The following RWDD2B variants were observed in gnomAD, a reference collection of about 807,000 sequenced individuals.
RWDD2B encodes the protein RWD domain containing 2B.
Under a neutral mutation model 33.6 loss-of-function variants are expected in RWDD2B, and 36 were observed. The ratio of observed to expected loss-of-function variants is 1.07; its 90% CI spans 0.82 to 1.42. RWDD2B has a LOEUF of 1.42. Ranked by LOEUF, RWDD2B falls within the 40% of genes most tolerant of loss-of-function variation. The pLI, the probability that RWDD2B is intolerant of heterozygous loss-of-function variation, is 0.00. For missense variants in RWDD2B, 364 were observed against 377.5 expected, an observed-to-expected ratio of 0.96 and a Z score of 0.30; for synonymous variants, 126 against 133.1, an observed-to-expected ratio of 0.95 and a Z score of 0.37.
At chr21:29,007,321 G>T (rs1036942656) in intron 4 of RWDD2B, among the ~76,000 whole-genome samples, 5 of 152,222 alleles carry the variant, frequency 3.3e-5, no homozygotes, top group African/African-American at 1.2e-4. Flanking sequence ...TGTGATTTCT[G>T]CCATATCCAT....
intron 1 of RWDD2B, among the ~76,000 whole-genome samples, chr21:29,013,455 A>G (rs535738476): frequency 1.3e-5 from 2 of 152,000 alleles, no homozygotes; most frequent in African/African-American, 4.8e-5. Flanking sequence ...TTTGGGAGGC[A>G]GAGGCGGGCG....
At chr21:29,016,142 ATATT>A (rs2084889125) in intron 1 of RWDD2B, among the ~76,000 whole-genome samples, 1 of 152,196 alleles carries the variant, frequency 6.6e-6, no homozygotes, top group African/African-American at 2.4e-5. Context: ...ATATTAACAT[ATATT>A]TATTAATATG....
intron 4 of RWDD2B, among the ~76,000 whole-genome samples, chr21:29,006,933 C>A (rs572393501): frequency 6.6e-6 from 1 of 152,160 alleles, no homozygotes; most frequent in Admixed American, 6.5e-5. Context: ...CTACTTTTAT[C>A]TCACAGGGAT....
intron 1 of RWDD2B, among the ~76,000 whole-genome samples, chr21:29,017,160 C>T (rs1315149785): frequency 6.6e-6 from 1 of 151,836 alleles, no homozygotes; most frequent in Non-Finnish European, 1.5e-5. Flanking sequence ...CATGAGCCAC[C>T]GTGTCCGGCT....
At chr21:29,008,812 A>C (rs993834122) in intron 1 of RWDD2B, among the ~76,000 whole-genome samples, 191 bp from the exon 2 acceptor site, 1 of 152,208 alleles carries the variant, frequency 6.6e-6, no homozygotes, top group African/African-American at 2.4e-5. Flanking sequence ...CCTGAGCAAC[A>C]TACTGAGACC....
At position 29,006,611 on chromosome 21, in the gene RWDD2B, G is replaced by A; in HGVS notation, c.766C>T (p.Arg256Ter). 4.4e-6 allele frequency: 7 copies of A among 1,607,724 alleles called. No homozygotes were observed. Among genetic ancestry groups the A allele is most frequent in the East Asian group, 2.2e-5 (1 of 44,844 alleles). ...GTACCATCAAAAGGAATGTCTTCTC[G>A]ATGGCGAATTAAAATTCTCTTCCAG... ...LNWKRILIRH[R>*]EDIPFDGTND... Residue 256 changes from arginine to a stop codon, truncating the protein, a stop_gained, in exon 5 of 5, where the codon CGA (arginine) becomes TGA (stop). Coordinates refer to ENST00000493196, the MANE Select transcript of RWDD2B (RefSeq NM_016940.3). LOFTEE classifies it high-confidence loss of function.
At chr21:29,012,536 G>A (rs1381296114) in intron 1 of RWDD2B, among the ~76,000 whole-genome samples, 5 of 151,770 alleles carry the variant, frequency 3.3e-5, no homozygotes, top group African/African-American at 1.2e-4. Flanking sequence ...ATTAAGGGCG[G>A]TGCAAGATGT....
intron 1 of RWDD2B, among the ~76,000 whole-genome samples, chr21:29,017,974 A>T: frequency 6.6e-6 from 1 of 152,206 alleles, no homozygotes; most frequent in Admixed American, 6.5e-5. Flanking sequence ...CATGGCCAGA[A>T]TTTTGAATTT....
Position 29,007,921 on chromosome 21 carries a change from T to A in RWDD2B, c.565A>T (p.Arg189Ter). ...ATATGATGGCTGTAGATCCAGAGTC[T>A]CGTGAAGATGAGGTCAACTGACTGG... The part of the protein sequence containing the change: ...TVQSVDLIFT[R>*]LWIYSHHIYN... Residue 189 changes from arginine (R) to a stop codon, truncating the protein, a stop_gained, in exon 4 of 5, where the codon AGA becomes TGA. Transcript: ENST00000493196. LOFTEE classifies it high-confidence loss of function. The A allele has an allele frequency of 6.2e-7, 1 of 1,614,244 alleles. No individual in the cohort carries two copies. The highest frequency in any genetic ancestry group is 8.5e-7 in the Non-Finnish European group (1 of 1,180,050).
chr21:29,011,576 C>A (rs1048780702), intron 1 of RWDD2B, among the ~76,000 whole-genome samples: 1 of 145,328 alleles, frequency 6.9e-6, no homozygotes, highest in Non-Finnish European at 1.5e-5. Context: ...CCGCCCCTTC[C>A]GGGAGGGAGG....
chr21:29,010,595 G>A (rs370814564), intron 1 of RWDD2B, among the ~76,000 whole-genome samples: 1 of 123,912 alleles, frequency 8.1e-6, no homozygotes, highest in African/African-American at 3.4e-5. Flanking sequence ...CAAAAAGAGT[G>A]AAACTCCGTC....
intron 1 of RWDD2B, chr21:29,009,680 C>T (rs965948022): frequency 6.6e-6 from 1 of 152,206 alleles, no homozygotes; most frequent in African/African-American, 2.4e-5. Context: ...AGGTGTGAGC[C>T]ACTGCGCCCG....
intron 4 of RWDD2B, among the ~76,000 whole-genome samples, chr21:29,007,505 T>C (rs2084834159): frequency 6.6e-6 from 1 of 152,224 alleles, no homozygotes; most frequent in Non-Finnish European, 1.5e-5. Context: ...TAGATGGTAC[T>C]TTTTTTGCAT....
intron 4 of RWDD2B, among the ~76,000 whole-genome samples, chr21:29,007,184 G>A (rs921025790): frequency 6.6e-5 from 10 of 152,212 alleles, no homozygotes; most frequent in African/African-American, 2.2e-4. Flanking sequence ...TAAAATGAGG[G>A]AAGGACCAGA....
At chr21:29,016,005 C>T (rs535934715) in intron 1 of RWDD2B, among the ~76,000 whole-genome samples, 1 of 152,252 alleles carries the variant, frequency 6.6e-6, no homozygotes, top group East Asian at 1.9e-4. Flanking sequence ...TGACATTAGC[C>T]CTCCTCTCCA....
In RWDD2B at chr21:29,008,449, A is replaced by G. The variant is rs2084840348; in HGVS notation, c.240T>C (p.Ser80=). The change falls in exon 2 of 5, where the codon TCT becomes TCC. Residue 80 remains serine (S), a synonymous_variant. Transcript: ENST00000493196. ...TATTGATAGTAAAGTAGACTTTTGA[A>G]GATCGCCCCTCCATTGTCTTCTTTT... ...CIEKKTMEGR[S]SKVYFTINMN... The G allele has an allele frequency of 2.5e-6, 4 of 1,614,238 alleles. No homozygotes were observed. The East Asian group carries it at 8.9e-5, about 36-fold the overall frequency.
intron 1 of RWDD2B, among the ~76,000 whole-genome samples, chr21:29,013,550 G>A (rs893165973): frequency 6.6e-6 from 1 of 151,960 alleles, no homozygotes; most frequent in Non-Finnish European, 1.5e-5. Context: ...TTAGCCGGGC[G>A]TGGTGGCCGG....
intron 1 of RWDD2B, among the ~76,000 whole-genome samples, chr21:29,017,906 G>A (rs535562298): frequency 1.3e-5 from 2 of 152,324 alleles, no homozygotes; most frequent in East Asian, 1.9e-4. Context: ...CTGAGGACAC[G>A]GGGAATAGAA....
At chr21:29,011,250 T>G (rs1054344659) in intron 1 of RWDD2B, among the ~76,000 whole-genome samples, 1 of 150,212 alleles carries the variant, frequency 6.7e-6, no homozygotes, top group South Asian at 2.1e-4. Flanking sequence ...CGCCATCCCA[T>G]GTGGGAAGTG....
Sources: allele counts gnomAD v4.1 joint callset (sites outside exome capture counted in the v4.1 genomes callset), GRCh38; gene constraint gnomAD v4.1.1; transcripts MANE v1.5; gene names NCBI Gene and HGNC (gene_info 2026-07-23, HGNC 2026-07-21).